Variants in KALRN observed in about 807,000 individuals in gnomAD.
KALRN encodes kalirin.
Under a neutral mutation model 353.7 loss-of-function variants are expected in KALRN, and 70 were observed. That is an observed-to-expected ratio of 0.20 (90% CI 0.16 to 0.24). KALRN has a LOEUF of 0.24. KALRN is among the 10% of genes least tolerant of loss of function. KALRN has a pLI of 1.00. For missense variants in KALRN, 2,791 were observed against 3,756.7 expected, an observed-to-expected ratio of 0.74 and a Z score of 6.72; for synonymous variants, 1,391 against 1,434.8, an observed-to-expected ratio of 0.97 and a Z score of 0.69.
intron 1 of KALRN, among the ~76,000 whole-genome samples, chr3:124,102,461 A>C (rs2061954244): frequency 6.6e-6 from 1 of 152,186 alleles, no homozygotes; most frequent in African/African-American, 2.4e-5. Context: ...GGTTCCGTTC[A>C]GAGACTCGTG....
chr3:124,631,315 T>C (rs1026198414), intron 34 of KALRN, among the ~76,000 whole-genome samples: 2 of 152,152 alleles, frequency 1.3e-5, no homozygotes, highest in African/African-American at 4.8e-5. Context: ...ACCAGCACTT[T>C]CTCCCCTGAG....
At chr3:124,525,785 T>C (rs1176688863) in intron 33 of KALRN, among the ~76,000 whole-genome samples, 1 of 152,200 alleles carries the variant, frequency 6.6e-6, no homozygotes, top group Non-Finnish European at 1.5e-5. Flanking sequence ...TTTTGGTATT[T>C]CTGGGACTAT....
At chr3:124,251,763 T>A (rs911096711) in intron 3 of KALRN, among the ~76,000 whole-genome samples, 1 of 152,162 alleles carries the variant, frequency 6.6e-6, no homozygotes. Context: ...CTGAGTGATT[T>A]TAGGCCTCTG....
chr3:124,219,190 A>G (rs1003136181), intron 1 of KALRN, among the ~76,000 whole-genome samples: 1 of 152,212 alleles, frequency 6.6e-6, no homozygotes, highest in Non-Finnish European at 1.5e-5. Context: ...AAAGTCATTG[A>G]GAGAAGTACT....
At chr3:124,082,077 G>T (rs1449672373) in intron 1 of KALRN, among the ~76,000 whole-genome samples, 2 of 152,204 alleles carry the variant, frequency 1.3e-5, no homozygotes, top group Non-Finnish European at 2.9e-5. Context: ...TGGTCCAGGG[G>T]TTCTGGGTAG....
At chr3:124,354,983 T>C (rs1253168679) in intron 10 of KALRN, among the ~76,000 whole-genome samples, 2 of 152,182 alleles carry the variant, frequency 1.3e-5, no homozygotes, top group Non-Finnish European at 2.9e-5. Flanking sequence ...ATATGGAAAA[T>C]GCTGTTCTGA....
intron 34 of KALRN, among the ~76,000 whole-genome samples, chr3:124,570,560 T>C (rs1465998212): frequency 6.6e-6 from 1 of 152,166 alleles, no homozygotes; most frequent in Non-Finnish European, 1.5e-5. Flanking sequence ...TGGTATGGTG[T>C]TTTTAAAAAT....
rs765872819 is a variant in KALRN at position 124,488,333 on chromosome 3, A to T, written c.4396+18A>T. On this transcript the variant is annotated intron_variant, in intron 29 of 59. Coordinates refer to ENST00000682506, the MANE Select transcript of KALRN (RefSeq NM_001388419.1). ...GCTGGAAGGTAGCTGTCCTCCCAGC[A>T]CTGGGGAAGCCTCCTCTCTTCCTTG... 1 of 1,516,278 alleles carries T rather than the reference A, an allele frequency of 6.6e-7. No homozygotes were observed. Among genetic ancestry groups the T allele is most frequent in the Non-Finnish European group, 9.2e-7 (1 of 1,090,860 alleles). The allele number at this position is 1,516,278 out of a possible 1,614,324, so 93.9% of individuals were successfully genotyped here.
chr3:124,513,265 T>C, intron 33 of KALRN, among the ~76,000 whole-genome samples: 1 of 152,022 alleles, frequency 6.6e-6, no homozygotes, highest in East Asian at 1.9e-4. Flanking sequence ...GTGGAAAAGG[T>C]GAGGAAAAGC....
intron 5 of KALRN, among the ~76,000 whole-genome samples, chr3:124,285,251 G>A (rs1305325428): frequency 6.6e-6 from 1 of 152,104 alleles, no homozygotes; most frequent in South Asian, 2.1e-4. Context: ...TACTCTAGAA[G>A]GAGTAGTATA....
intron 18 of KALRN, 84 bp downstream of exon 18, chr3:124,439,121 TTC>T: frequency 1.5e-6 from 2 of 1,354,398 alleles, no homozygotes; most frequent in East Asian, 4.9e-5. Flanking sequence ...TCTCTTTTCT[TTC>T]TTTCTCTTTC....
At chr3:124,679,974 CT>C (rs2150468295) in intron 51 of KALRN, among the ~76,000 whole-genome samples, 1 of 152,318 alleles carries the variant, frequency 6.6e-6, no homozygotes, top group South Asian at 2.1e-4. Flanking sequence ...TCATCTTGCT[CT>C]TCTACTGGGT....
At chr3:124,043,444 G>A (rs1433118219) in intron 1 of KALRN, among the ~76,000 whole-genome samples, 1 of 152,100 alleles carries the variant, frequency 6.6e-6, no homozygotes, top group Non-Finnish European at 1.5e-5. Context: ...GATTGAGGAA[G>A]GTCCTGGATG....
chr3:124,373,660 C>T (rs556582148), intron 10 of KALRN, among the ~76,000 whole-genome samples: 1 of 152,304 alleles, frequency 6.6e-6, no homozygotes, highest in African/African-American at 2.4e-5. Context: ...CCAACCTCAG[C>T]TTTCATGTTG....
intron 34 of KALRN, among the ~76,000 whole-genome samples, chr3:124,625,816 C>A (rs2079884638): frequency 1.3e-5 from 2 of 152,164 alleles, no homozygotes; most frequent in South Asian, 4.1e-4. Context: ...CACGGTGGCT[C>A]ACACCTATAA....
At chr3:124,483,417 T>C (rs1259682760) in intron 28 of KALRN, among the ~76,000 whole-genome samples, 1 of 152,152 alleles carries the variant, frequency 6.6e-6, no homozygotes, top group East Asian at 1.9e-4. Flanking sequence ...CCAGGCATGG[T>C]GGTGTGCACC....
At chr3:124,106,181 G>C (rs2062292104) in intron 1 of KALRN, among the ~76,000 whole-genome samples, 1 of 152,198 alleles carries the variant, frequency 6.6e-6, no homozygotes, top group Non-Finnish European at 1.5e-5. Context: ...GACTGGAGGA[G>C]GGGGAACACT....
intron 57 of KALRN, among the ~76,000 whole-genome samples, chr3:124,705,427 G>A (rs1375725801): frequency 6.6e-6 from 1 of 152,112 alleles, no homozygotes; most frequent in Non-Finnish European, 1.5e-5. Flanking sequence ...ATGAAAGAAT[G>A]ATAAATGACC....
At chr3:124,592,343 C>T (rs919278361) in intron 34 of KALRN, among the ~76,000 whole-genome samples, 3 of 149,424 alleles carry the variant, frequency 2.0e-5, no homozygotes, top group African/African-American at 7.4e-5. Flanking sequence ...AAAATCCTGG[C>T]AAGAAGCCTA....
Sources: gnomAD v4.1 joint callset for allele counts (sites outside exome capture counted in the v4.1 genomes callset) on GRCh38, gnomAD v4.1.1 for gene constraint, MANE v1.5 for transcripts, NCBI Gene and HGNC (gene_info 2026-07-23, HGNC 2026-07-21) for gene names.